Variants in MYH11 observed in about 807,000 individuals in gnomAD.
MYH11 encodes the protein myosin heavy chain 11.
In MYH11, 80 loss-of-function variants were observed where a neutral mutation model predicts 246.6. The ratio of observed to expected loss-of-function variants is 0.32; its 90% CI spans 0.27 to 0.39. MYH11 has a LOEUF of 0.39. Ranked by LOEUF, MYH11 falls within the 10% of genes least tolerant of loss-of-function variation. MYH11 has a pLI of 1.00. For missense variants in MYH11, 2,158 were observed against 2,546.8 expected (o/e 0.85, Z 3.29); for synonymous variants, 1,071 against 1,015.5 (o/e 1.05, Z -1.04).
intron 27 of MYH11, among the ~76,000 whole-genome samples, chr16:15,730,691 A>C (rs1160368351): frequency 6.6e-6 from 1 of 152,204 alleles, no homozygotes; most frequent in Non-Finnish European, 1.5e-5. Flanking sequence ...AAAAGCTTCC[A>C]CTGAAGGGGA....
chr16:15,846,523 C>A (rs1213227270), intron 1 of MYH11, among the ~76,000 whole-genome samples: 3 of 152,110 alleles, frequency 2.0e-5, no homozygotes, highest in Non-Finnish European at 4.4e-5. Flanking sequence ...ATCTGAATGC[C>A]AGCCCTATGA....
In MYH11 at chr16:15,724,941, T is replaced by G. The variant is rs200737737; in HGVS notation, c.3910A>C (p.Ile1304Leu). The G allele has an allele frequency of 1.7e-4, 277 of 1,614,140 alleles. 5 individuals are homozygous for G. The Middle Eastern group carries it at 3.1e-3, about 18-fold the overall frequency. ...GMLNEAEGKAIKLAKDVASLS... is the reference protein window; with the variant it reads ...GMLNEAEGKALKLAKDVASLS... ...GACGCCACGTCCTTGGCCAGCTTAA[T>G]GGCCTTCCCCTCGGCCTCGTTAAGC... Residue 1304 changes from isoleucine to leucine, a missense_variant, in exon 29 of 41, where the codon ATT becomes CTT. Ile to Leu is a conservative substitution (Grantham distance 5, BLOSUM62 2). Transcript: ENST00000300036.
intron 16 of MYH11, among the ~76,000 whole-genome samples, chr16:15,748,528 T>C (rs550180964): frequency 1.3e-4 from 20 of 152,194 alleles, no homozygotes; most frequent in African/African-American, 4.8e-4. Flanking sequence ...TTCACCACCA[T>C]TGTCTCCACT....
intron 20 of MYH11, among the ~76,000 whole-genome samples, chr16:15,743,859 G>A (rs1009425840): frequency 6.6e-6 from 1 of 152,164 alleles, no homozygotes; most frequent in East Asian, 1.9e-4. Context: ...GGGCATATAA[G>A]GAGAAGCCTA....
intron 39 of MYH11, 30 bp downstream of exon 39, chr16:15,715,134 G>A (rs780071907): frequency 5.6e-6 from 9 of 1,612,448 alleles, no homozygotes; most frequent in Non-Finnish European, 6.8e-6. Flanking sequence ...GGGGCTGGGG[G>A]CTCGAGGGAG....
At chr16:15,823,489 T>A (rs898858147) in intron 2 of MYH11, 78 bp from the exon 3 acceptor site, 69 of 1,563,284 alleles carry the variant, frequency 4.4e-5, no homozygotes, top group Non-Finnish European at 5.3e-5. Flanking sequence ...AATATTCTCA[T>A]GTTAGAGATG....
At chr16:15,740,326 G>T in intron 22 of MYH11, 138 bp from the exon 23 acceptor site, 1 of 1,363,882 alleles carries the variant, frequency 7.3e-7, no homozygotes. Context: ...AGAAATAAAG[G>T]CCTGAGCGTG....
chr16:15,845,652 T>C (rs1441396305), intron 1 of MYH11, among the ~76,000 whole-genome samples: 1 of 152,090 alleles, frequency 6.6e-6, no homozygotes, highest in Non-Finnish European at 1.5e-5. Flanking sequence ...TATTCAATCA[T>C]TCCCTGATAA....
chr16:15,791,841 T>C (rs2042617662), intron 4 of MYH11: 1 of 151,946 alleles, frequency 6.6e-6, no homozygotes, highest in African/African-American at 2.4e-5. Flanking sequence ...AGCTGGCTGA[T>C]TTTTAAATTT....
intron 33 of MYH11, 127 bp from the exon 34 acceptor site, chr16:15,720,439 A>G: frequency 1.5e-6 from 2 of 1,310,238 alleles, no homozygotes; most frequent in South Asian, 1.3e-5. Context: ...TCTCATCCCC[A>G]GTTGCAGATG....
chr16:15,707,353 C>T (rs552596942), intron 40 of MYH11, among the ~76,000 whole-genome samples: 21 of 152,232 alleles, frequency 1.4e-4, no homozygotes, highest in African/African-American at 3.9e-4. Flanking sequence ...TATTCGTGGA[C>T]TCAGCTTATC....
At chr16:15,820,637 TG>T (rs1285338366) in intron 3 of MYH11, among the ~76,000 whole-genome samples, 1 of 152,154 alleles carries the variant, frequency 6.6e-6, no homozygotes. Flanking sequence ...CAAATAAATC[TG>T]TAAGAATGAT....
chr16:15,781,488 C>T (rs963689968), intron 6 of MYH11, among the ~76,000 whole-genome samples: 2 of 152,128 alleles, frequency 1.3e-5, no homozygotes, highest in Non-Finnish European at 2.9e-5. Context: ...AGTTCAGAGA[C>T]CCCCTTCTCC....
chr16:15,853,530 C>T (rs187190270), intron 1 of MYH11, among the ~76,000 whole-genome samples: 7 of 152,252 alleles, frequency 4.6e-5, no homozygotes, highest in Non-Finnish European at 7.4e-5. Flanking sequence ...CACAGATGTC[C>T]GACCTCCCCT....
At chr16:15,806,821 A>T (rs1434055937) in intron 3 of MYH11, among the ~76,000 whole-genome samples, 2 of 151,692 alleles carry the variant, frequency 1.3e-5, no homozygotes, top group African/African-American at 4.9e-5. Context: ...AATGCTTGTT[A>T]TTTTGAATTG....
At position 15,718,131 on chromosome 16, in the gene MYH11, T is replaced by A; in HGVS notation, c.5295+184A>T. The A allele has an allele frequency of 3.2e-6, 3 of 929,946 alleles. No individual in the cohort carries two copies. The South Asian group carries it at 4.5e-5, about 14-fold the overall frequency. 57.6% of individuals were successfully genotyped at this position (929,946 alleles called of 1,614,324 possible). On this transcript the variant is annotated intron_variant, in intron 37 of 40. Transcript: ENST00000300036. Reference sequence around the variant, plus strand: ...CACTGCAGCGTGGAGAGGAGTATTCTGAAGACAGCAGCCTGGGCACTGGTG... The same window carrying A: ...CACTGCAGCGTGGAGAGGAGTATTCAGAAGACAGCAGCCTGGGCACTGGTG...
At chr16:15,849,579 T>A (rs913543269) in intron 1 of MYH11, among the ~76,000 whole-genome samples, 1 of 152,094 alleles carries the variant, frequency 6.6e-6, no homozygotes, top group Non-Finnish European at 1.5e-5. Context: ...GTAGCTGGGA[T>A]CACAGGCACG....
At chr16:15,845,883 G>C (rs548676087) in intron 1 of MYH11, among the ~76,000 whole-genome samples, 2 of 152,238 alleles carry the variant, frequency 1.3e-5, no homozygotes, top group South Asian at 4.1e-4. Flanking sequence ...CTTGAGGTCA[G>C]GAGTTTGAGA....
chr16:15,720,984 T>A lies in MYH11; in HGVS notation c.4646A>T (p.Glu1549Val), dbSNP rs374952057. 6.2e-7 allele frequency: 1 copy of A among 1,613,972 alleles called. No individual in the cohort carries two copies. The highest frequency in any genetic ancestry group is 8.5e-7 in the Non-Finnish European group (1 of 1,180,020). Reference protein sequence around the residue: ...TQMEEMKTQLEELEDELQATE... With the variant: ...TQMEEMKTQLVELEDELQATE... ...GGCTTGCAGCTCGTCCTCCAGCTCT[T>A]CCAGCTGCGTCTTCATCTCCTCCAT... Residue 1549 changes from glutamate (E) to valine (V), a missense_variant, in exon 33 of 41, where the codon GAA (glutamate) becomes GTA (valine). Physicochemically the swap from Glu to Val is moderately radical, Grantham distance 121. This residue lies in a region of MYH11 where 1,013 missense variants were observed against 993.5 expected (regional missense o/e 1.02). Coordinates refer to ENST00000300036, the MANE Select transcript of MYH11 (RefSeq NM_002474.3).
Sources: gnomAD v4.1 joint callset for allele counts (sites outside exome capture counted in the v4.1 genomes callset) on GRCh38, gnomAD v4.1.1 for gene constraint, gnomAD v4.1.1 regional missense constraint, MANE v1.5 for transcripts, NCBI Gene and HGNC (gene_info 2026-07-23, HGNC 2026-07-21) for gene names.